Variants in TTBK2 observed in about 807,000 individuals in gnomAD.
TTBK2 encodes the protein tau tubulin kinase 2, also known as tau-tubulin kinase 2.
A neutral mutation model predicts 110.8 loss-of-function variants in TTBK2; 28 were observed. The ratio of observed to expected loss-of-function variants is 0.25; its 90% confidence interval spans 0.19 to 0.35. The LOEUF is 0.35. Ranked by LOEUF, TTBK2 falls within the 10% of genes least tolerant of loss-of-function variation. The pLI is 1.00. For synonymous variants in TTBK2, 532 were observed against 527.3 expected, an observed-to-expected ratio of 1.01 and a Z score of -0.12; for missense variants, 1,369 against 1,500.3, an observed-to-expected ratio of 0.91 and a Z score of 1.45.
chr15:42,857,377 G>A (rs1284999381), intron 3 of TTBK2: 1 of 152,062 alleles, frequency 6.6e-6, no homozygotes, highest in Non-Finnish European at 1.5e-5. Flanking sequence ...AAAATTAGTT[G>A]TGCATAGTGG....
chr15:42,909,602 T>C (rs2030627395), intron 1 of TTBK2, among the ~76,000 whole-genome samples: 1 of 152,150 alleles, frequency 6.6e-6, no homozygotes, highest in Non-Finnish European at 1.5e-5. Flanking sequence ...TGGGGGGCCA[T>C]TATTGCACTT....
Position 42,748,084 on chromosome 15 carries a change from C to A in TTBK2, c.3273-1827G>T, listed in dbSNP as rs115850701. On this transcript the variant is annotated intron_variant, in intron 14 of 14. Coordinates refer to ENST00000267890, the MANE Select transcript of TTBK2 (RefSeq NM_173500.4). ...ATGAACACTAAACTTTTCTATCAAACCAAAGGCACTACAACCCAAGTTAAA... is the reference window on the plus strand; with the variant it reads ...ATGAACACTAAACTTTTCTATCAAAACAAAGGCACTACAACCCAAGTTAAA... 9.0e-3 allele frequency among the ~76,000 whole-genome samples: 1,368 copies of A among 152,222 alleles called. 18 individuals are homozygous for A. Among genetic ancestry groups the A allele is most frequent in the African/African-American group, 0.031 (1,304 of 41,530 alleles).
rs778967150 is a variant in TTBK2, at chr15:42,811,679, C to G, written c.696+9G>C. The G allele has an allele frequency of 6.2e-7, 1 of 1,612,250 alleles. No homozygotes were observed. Among genetic ancestry groups the G allele is most frequent in the African/African-American group, 1.3e-5 (1 of 74,856 alleles). On this transcript the variant is annotated intron_variant, in intron 8 of 14. Coordinates refer to ENST00000267890, the MANE Select transcript of TTBK2 (RefSeq NM_173500.4). ...CTACCACAATTGACATCTCCATTCC[C>G]AAAATTACCTTGTCCTTTATTTTTC...
At chr15:42,877,183 CCTAA>C (rs1894849016) in intron 2 of TTBK2, among the ~76,000 whole-genome samples, 1 of 151,922 alleles carries the variant, frequency 6.6e-6, no homozygotes. Context: ...ATCTGCAATC[CCTAA>C]CTAACAGACC....
intron 13 of TTBK2, among the ~76,000 whole-genome samples, chr15:42,763,305 C>T (rs1374068133): frequency 1.9e-4 from 25 of 133,816 alleles, no homozygotes; most frequent in African/African-American, 6.9e-4. Flanking sequence ...CCTCCACCTC[C>T]TGGGTTCAAG....
intron 1 of TTBK2, among the ~76,000 whole-genome samples, chr15:42,906,666 A>C (rs1055988681): frequency 2.6e-5 from 4 of 152,186 alleles, no homozygotes; most frequent in African/African-American, 9.7e-5. Context: ...AACCAAGGCA[A>C]AAATAGATAA....
At chr15:42,868,794 G>A (rs1244368879) in intron 3 of TTBK2, among the ~76,000 whole-genome samples, 2 of 151,860 alleles carry the variant, frequency 1.3e-5, no homozygotes, top group Non-Finnish European at 2.9e-5. Flanking sequence ...CCACAGGATC[G>A]AGGCTGCAGT....
At chr15:42,899,967 T>A (rs1039688667) in intron 1 of TTBK2, among the ~76,000 whole-genome samples, 6 of 151,388 alleles carry the variant, frequency 4.0e-5, no homozygotes, top group Admixed American at 6.6e-5. Context: ...TCTCAAAAAA[T>A]AAATAAATAA....
chr15:42,814,768 G>T (rs1425160078), intron 7 of TTBK2, among the ~76,000 whole-genome samples: 1 of 152,172 alleles, frequency 6.6e-6, no homozygotes, highest in African/African-American at 2.4e-5. Context: ...ACTAACAATC[G>T]TTGTGAACTA....
chr15:42,842,171 C>G (rs1473247685), intron 3 of TTBK2, among the ~76,000 whole-genome samples: 1 of 152,102 alleles, frequency 6.6e-6, no homozygotes, highest in East Asian at 1.9e-4. Context: ...GCTGGGATTA[C>G]AGGCATGAGC....
chr15:42,815,895 T>TATATATATATATAAAA (rs1891928010), intron 7 of TTBK2, among the ~76,000 whole-genome samples: 1 of 73,146 alleles, frequency 1.4e-5, no homozygotes, highest in South Asian at 4.6e-4. Context: ...TATTTAAAAA[T>TATATATATATATAAAA]ATATATATAT....
chr15:42,919,347 A>G (rs1427776231), intron 1 of TTBK2, among the ~76,000 whole-genome samples: 1 of 152,154 alleles, frequency 6.6e-6, no homozygotes, highest in East Asian at 1.9e-4. Flanking sequence ...AGTTAAAATC[A>G]TTTCCCCCTT....
intron 1 of TTBK2, among the ~76,000 whole-genome samples, chr15:42,914,726 ATTAT>A (rs914646203): frequency 1.1e-4 from 17 of 152,218 alleles, no homozygotes; most frequent in African/African-American, 3.4e-4. Context: ...TTATTTTGTC[ATTAT>A]TTATTTAATT....
intron 13 of TTBK2, 74 bp from the exon 14 acceptor site, chr15:42,753,321 C>G: frequency 7.0e-7 from 1 of 1,426,908 alleles, no homozygotes; most frequent in Non-Finnish European, 9.6e-7. Context: ...TGAGATTTAA[C>G]ATCTCCAATT....
chr15:42,839,415 T>C (rs1282851186), intron 4 of TTBK2, among the ~76,000 whole-genome samples: 1 of 152,216 alleles, frequency 6.6e-6, no homozygotes, highest in Admixed American at 6.5e-5. Context: ...AACACATAAG[T>C]GCATGTGTCT....
At chr15:42,889,446 C>A (rs546329918) in intron 1 of TTBK2, among the ~76,000 whole-genome samples, 1 of 152,252 alleles carries the variant, frequency 6.6e-6, no homozygotes, top group East Asian at 1.9e-4. Context: ...AGTCAAATCA[C>A]CCAAGCAGTT....
At chr15:42,801,397 G>A in intron 9 of TTBK2, 2 of 1,243,158 alleles carry the variant, frequency 1.6e-6, no homozygotes, top group East Asian at 2.3e-5. Context: ...TCCCCACGCT[G>A]CTCGGTATCT....
At chr15:42,770,538 C>A (rs1258685780) in intron 13 of TTBK2, among the ~76,000 whole-genome samples, 1 of 152,212 alleles carries the variant, frequency 6.6e-6, no homozygotes, top group Non-Finnish European at 1.5e-5. Flanking sequence ...CACAAATGGG[C>A]TTTCTTTACT....
At chr15:42,866,412 A>G (rs934956490) in intron 3 of TTBK2, among the ~76,000 whole-genome samples, 10 of 152,232 alleles carry the variant, frequency 6.6e-5, no homozygotes, top group African/African-American at 2.4e-4. Context: ...GCTTCAAACT[A>G]CATGAGGTAA....
Sources: gnomAD v4.1 joint callset for allele counts (sites outside exome capture counted in the v4.1 genomes callset) on GRCh38, gnomAD v4.1.1 for gene constraint, MANE v1.5 for transcripts, NCBI Gene and HGNC (gene_info 2026-07-23, HGNC 2026-07-21) for gene names.